The following GRM5 variants were observed in gnomAD, a reference collection of about 807,000 sequenced individuals.
GRM5 encodes the protein glutamate metabotropic receptor 5, also known as metabotropic glutamate receptor 5.
Under a neutral mutation model 83.1 loss-of-function variants are expected in GRM5, and 19 were observed. The observed-to-expected ratio is 0.23, with a 90% CI of 0.16 to 0.34. The LOEUF (loss-of-function observed/expected upper bound fraction) is 0.34, where lower values mean the gene tolerates loss of function less well. Ranked by LOEUF, GRM5 falls within the 10% of genes least tolerant of loss-of-function variation. GRM5 has a pLI of 1.00. For synonymous variants in GRM5, 675 were observed against 633.6 expected (o/e 1.07, Z -0.98); for missense variants, 1,160 against 1,588.3 (o/e 0.73, Z 4.58).
chr11:88,960,418 T>G (rs1590998617), intron 2 of GRM5, among the ~76,000 whole-genome samples: 1 of 152,140 alleles, frequency 6.6e-6, no homozygotes, highest in Admixed American at 6.6e-5. Context: ...TTAAAAGGGC[T>G]TTGTGAAATT....
At chr11:89,011,002 G>T (rs1232126699) in intron 2 of GRM5, among the ~76,000 whole-genome samples, 2 of 152,092 alleles carry the variant, frequency 1.3e-5, no homozygotes, top group Non-Finnish European at 2.9e-5. Context: ...AATTTAATGT[G>T]GTTCCATTTG....
At chr11:89,039,271 A>AT (rs1941469584) in intron 2 of GRM5, among the ~76,000 whole-genome samples, 1 of 129,710 alleles carries the variant, frequency 7.7e-6, no homozygotes, top group South Asian at 2.2e-4. Flanking sequence ...TTTCAAAATA[A>AT]AAAAAAAATA....
At chr11:88,868,326 C>T (rs1458499556) in intron 2 of GRM5, among the ~76,000 whole-genome samples, 1 of 151,832 alleles carries the variant, frequency 6.6e-6, no homozygotes, top group Non-Finnish European at 1.5e-5. Flanking sequence ...GCTCTGACAT[C>T]TACTAGTTTG....
intron 2 of GRM5, among the ~76,000 whole-genome samples, chr11:89,020,115 A>G (rs1341688781): frequency 6.6e-6 from 1 of 152,226 alleles, no homozygotes; most frequent in Non-Finnish European, 1.5e-5. Context: ...GGGGCTGAAT[A>G]TACCTTATCT....
chr11:88,852,696 T>C (rs1266862933), intron 2 of GRM5, among the ~76,000 whole-genome samples: 1 of 152,112 alleles, frequency 6.6e-6, no homozygotes, highest in Non-Finnish European at 1.5e-5. Context: ...ACTTGAAACA[T>C]TTAAATAAGA....
At chr11:89,014,820 A>G (rs561448641) in intron 2 of GRM5, among the ~76,000 whole-genome samples, 1 of 152,308 alleles carries the variant, frequency 6.6e-6, no homozygotes, top group African/African-American at 2.4e-5. Context: ...TGTACCCACA[A>G]AAAGTCTTAA....
At chr11:89,045,264 GTATT>G (rs1345490125) in intron 2 of GRM5, among the ~76,000 whole-genome samples, 1 of 152,058 alleles carries the variant, frequency 6.6e-6, no homozygotes, top group African/African-American at 2.4e-5. Context: ...GGTAAATTAT[GTATT>G]TAATATAGAG....
In GRM5 at chr11:88,796,899, CGTGTGTGTGTGTGTGTGTGTGTGTGTGT is replaced by C. The variant is rs36203408; in HGVS notation, c.911+52979_911+53006del. 5.6e-5 allele frequency among the ~76,000 whole-genome samples: 8 copies of C among 143,544 alleles called. No individual in the cohort carries two copies. In the South Asian group the frequency reaches 7.0e-4, roughly 13 times the overall value. The allele number at this position is 143,544 out of a possible 152,430, so 94.2% of individuals were successfully genotyped here. A position where few individuals can be genotyped will look rare whatever the true frequency, so the allele number is the denominator to read the frequency against. ...TGAAAGGAAAGTACACACACACACA[CGTGTGTGTGTGTGTGTGTGTGTGTGTGT>C]GTGTGTGTGTGTGTACAGAAACAAG... is the stretch of plus-strand genomic sequence containing the variant. On this transcript the variant is annotated intron_variant, in intron 3 of 9. Coordinates refer to ENST00000305447, the MANE Select transcript of GRM5 (RefSeq NM_001143831.3).
At chr11:88,967,358 C>A (rs1252159272) in intron 2 of GRM5, among the ~76,000 whole-genome samples, 1 of 151,222 alleles carries the variant, frequency 6.6e-6, no homozygotes, top group Non-Finnish European at 1.5e-5. Flanking sequence ...AGAGGGATAT[C>A]TCAGTCCATT....
chr11:88,781,141 A>G (rs1591511526), intron 3 of GRM5, among the ~76,000 whole-genome samples: 1 of 148,284 alleles, frequency 6.7e-6, no homozygotes, highest in African/African-American at 2.5e-5. Flanking sequence ...ATATATATAT[A>G]TATATATGTA....
At chr11:88,548,604 G>A (rs1242207236) in intron 8 of GRM5, among the ~76,000 whole-genome samples, 2 of 152,010 alleles carry the variant, frequency 1.3e-5, no homozygotes, top group African/African-American at 2.4e-5. Context: ...TCACTACAAA[G>A]CATTTCTTCC....
intron 2 of GRM5, among the ~76,000 whole-genome samples, chr11:88,991,969 T>C (rs1290933284): frequency 2.5e-4 from 38 of 152,222 alleles, no homozygotes; most frequent in African/African-American, 9.1e-4. Flanking sequence ...ACTTCATGTC[T>C]AAAACACCAA....
rs529336705 is a variant in GRM5 at position 88,755,571 on chromosome 11, C to T, written c.911+94335G>A. Among the ~76,000 whole-genome samples the T allele has an allele frequency of 5.9e-4, 90 of 152,196 alleles. 1 individual carries two copies. The South Asian group carries it at 0.018, about 30-fold the overall frequency. Reference sequence around the variant, plus strand: ...GATGTTAGCATGATTTTGTTGCAAACTCTCTATATCCACCCCTGCTAAGAC... The same window carrying T: ...GATGTTAGCATGATTTTGTTGCAAATTCTCTATATCCACCCCTGCTAAGAC... On this transcript the variant is annotated intron_variant, in intron 3 of 9. Transcript: ENST00000305447.
chr11:88,926,349 A>G (rs1458967257), intron 2 of GRM5, among the ~76,000 whole-genome samples: 1 of 152,204 alleles, frequency 6.6e-6, no homozygotes, highest in African/African-American at 2.4e-5. Context: ...GATTACCACT[A>G]GCATGTTGAA....
chr11:88,554,303 A>G (rs975248815), intron 8 of GRM5, among the ~76,000 whole-genome samples: 6 of 152,084 alleles, frequency 3.9e-5, no homozygotes, highest in Non-Finnish European at 5.9e-5. Context: ...CTCTTGTAAT[A>G]TCTTTGTGAT....
chr11:88,512,092 G>T (rs1416086770), intron 9 of GRM5: 2 of 152,700 alleles, frequency 1.3e-5, no homozygotes, highest in African/African-American at 4.8e-5. Flanking sequence ...AACTTTGGAT[G>T]TTAGCAGTAA....
rs368081326 is a variant in GRM5, at chr11:88,631,667, C to G, written c.1147+21501G>C. ...TAACATAAGTGATCACTCCAAAGCT[C>G]TCACTCCTGTTCATTTCACAGCATG... is the stretch of plus-strand genomic sequence containing the variant. On this transcript the variant is annotated intron_variant, in intron 4 of 9. Transcript: ENST00000305447. 7.9e-5 allele frequency among the ~76,000 whole-genome samples: 12 copies of G among 152,286 alleles called. No individual in the cohort carries two copies. In the East Asian group the frequency reaches 1.7e-3, roughly 22 times the overall value.
At chr11:88,681,907 G>T (rs983193528) in intron 3 of GRM5, among the ~76,000 whole-genome samples, 10 of 151,624 alleles carry the variant, frequency 6.6e-5, no homozygotes, top group Non-Finnish European at 1.5e-4. Context: ...TTTTCTTTTT[G>T]TGAAAGTGGA....
chr11:88,510,069 G>T (rs1291628989), intron 9 of GRM5, among the ~76,000 whole-genome samples: 2 of 152,200 alleles, frequency 1.3e-5, no homozygotes. Context: ...TTTTCTGTCT[G>T]AACCCCTGAT....
Sources: gnomAD v4.1 joint callset for allele counts (sites outside exome capture counted in the v4.1 genomes callset) on GRCh38, gnomAD v4.1.1 for gene constraint, MANE v1.5 for transcripts, NCBI Gene and HGNC (gene_info 2026-07-23, HGNC 2026-07-21) for gene names.